Variants in HDLBP observed in about 807,000 individuals in gnomAD.
HDLBP encodes high density lipoprotein binding protein.
HDLBP carries 30 observed loss-of-function variants against 137.3 expected under a neutral mutation model. The observed-to-expected ratio is 0.22, with a 90% confidence interval of 0.16 to 0.30. HDLBP has a LOEUF of 0.30. Among genes scored for constraint, HDLBP ranks in the 10% least tolerant of loss-of-function variants. The pLI is 1.00. For missense variants in HDLBP, 1,119 were observed against 1,667.3 expected, an observed-to-expected ratio of 0.67 and a Z score of 5.73; for synonymous variants, 606 against 596.0, an observed-to-expected ratio of 1.02 and a Z score of -0.24.
At position 241,230,995 on chromosome 2, in the gene HDLBP, G is replaced by A. The variant is rs552660282; in HGVS notation, c.3289-51C>T. 1.4e-5 allele frequency: 22 copies of A among 1,530,704 alleles called. No individual in the cohort carries two copies. The highest frequency in any genetic ancestry group is 7.9e-5 in the South Asian group (7 of 88,146). 94.8% of individuals were successfully genotyped at this position (1,530,704 alleles called of 1,614,324 possible). On this transcript the variant is annotated intron_variant, in intron 24 of 27. Coordinates refer to ENST00000310931, the MANE Select transcript of HDLBP (RefSeq NM_005336.6). This position sits in a 1 kb window ranked among gnomAD's most constrained non-coding sequence, Gnocchi z 5.0. ...AAGGGGATGCCTTACTGGGATTCCCGTCAGGGGCAAGAGCCGGCCCCCACT... is the reference window on the plus strand; with the variant it reads ...AAGGGGATGCCTTACTGGGATTCCCATCAGGGGCAAGAGCCGGCCCCCACT...
intron 1 of HDLBP, among the ~76,000 whole-genome samples, chr2:241,300,880 C>G (rs1267310423): frequency 6.6e-6 from 1 of 152,020 alleles, no homozygotes; most frequent in Non-Finnish European, 1.5e-5. Flanking sequence ...GCAATTAGAT[C>G]AAAATAGAAG....
At chr2:241,266,611 T>G (rs545260569) in intron 3 of HDLBP, 183 bp downstream of exon 3, 5 of 580,442 alleles carry the variant, frequency 8.6e-6, no homozygotes, top group South Asian at 6.3e-5. Context: ...CATTTCCTCA[T>G]GCCTGGCCAG....
At chr2:241,302,678 G>A (rs2075435191) in intron 1 of HDLBP, 1 of 152,344 alleles carries the variant, frequency 6.6e-6, no homozygotes, top group Non-Finnish European at 1.5e-5. Context: ...TTTGGGATAA[G>A]AGCCCTTTTC....
intron 1 of HDLBP, among the ~76,000 whole-genome samples, chr2:241,313,556 A>C (rs1041139396): frequency 2.6e-5 from 4 of 152,138 alleles, no homozygotes; most frequent in African/African-American, 7.2e-5. Context: ...TGGGATTACA[A>C]GCGTGAGCCA....
chr2:241,267,535 T>C lies in HDLBP; in HGVS notation c.-37-629A>G, dbSNP rs145787862. 1,923 of 1,519,450 alleles carry C rather than the reference T, an allele frequency of 1.3e-3. 5 individuals are homozygous for C. The highest frequency in any genetic ancestry group is 1.6e-3 in the Non-Finnish European group (1,828 of 1,132,250). The allele number at this position is 1,519,450 out of a possible 1,614,324, so 94.1% of individuals were successfully genotyped here. ...TAGATCAACACCAGGATCGTTCTCCTAACAGCGACCTTGGTTATTCTGTCA... is the reference window on the plus strand; with the variant it reads ...TAGATCAACACCAGGATCGTTCTCCCAACAGCGACCTTGGTTATTCTGTCA... On this transcript the variant is annotated intron_variant, in intron 2 of 27. Transcript: ENST00000310931.
chr2:241,232,877 G>A (rs1574838007), intron 24 of HDLBP, among the ~76,000 whole-genome samples: 2 of 152,104 alleles, frequency 1.3e-5, no homozygotes, highest in Non-Finnish European at 2.9e-5. Flanking sequence ...TGTGGGGAGG[G>A]AAGAGGACGT....
At chr2:241,303,304 C>T (rs2075454672) in intron 1 of HDLBP, among the ~76,000 whole-genome samples, 1 of 152,190 alleles carries the variant, frequency 6.6e-6, no homozygotes, top group Non-Finnish European at 1.5e-5. Context: ...TCCTCTCTCA[C>T]AGGACAGAGC....
rs117069991 is a variant in HDLBP, at chr2:241,229,414, G to C, written c.*187C>G. 1.8e-6 allele frequency: 1 copy of C among 550,272 alleles called. No homozygotes were observed. The highest frequency in any genetic ancestry group is 3.3e-6 in the Non-Finnish European group (1 of 303,802). The allele number at this position is 550,272 out of a possible 1,614,324, so 34.1% of individuals were successfully genotyped here. Reference sequence around the variant, plus strand: ...TTAAACAGTGGAGCAGGTCCTGAGCGGGCACGGCCAGGCCTGGAGGAGCGG... The same window carrying C: ...TTAAACAGTGGAGCAGGTCCTGAGCCGGCACGGCCAGGCCTGGAGGAGCGG... On this transcript the variant is annotated 3_prime_UTR_variant, in exon 28 of 28. Transcript: ENST00000310931.
In HDLBP at chr2:241,242,496, C is replaced by A. The variant is rs760907330; in HGVS notation, c.2133G>T (p.Lys711Asn). ...CCAGATGCAGGAGCTGCTTCTTGGC[C>A]TTCTCCACATCCGAGGAAGGGCCCC... ...VIRGPSSDVE[K>N]AKKQLLHLAE... The change falls in exon 17 of 28, where the codon AAG (lysine) becomes AAT (asparagine). Residue 711 changes from lysine to asparagine, a missense_variant. Transcript: ENST00000310931. The A allele has an allele frequency of 6.2e-6, 10 of 1,614,074 alleles. No individual in the cohort carries two copies. The East Asian group carries it at 2.2e-4, about 36-fold the overall frequency.
rs541645843 is a variant in HDLBP at position 241,240,372 on chromosome 2, C to T, written c.2170-250G>A. ...GTGGGATGAACACACAGGCTTAGAA[C>T]CCTGGTCCTGCCACTTACAAGCACT... is the stretch of plus-strand genomic sequence containing the variant. On this transcript the variant is annotated intron_variant, in intron 17 of 27. Transcript: ENST00000310931. This position sits in a 1 kb window ranked among gnomAD's most constrained non-coding sequence, Gnocchi z 5.5. 2.0e-5 allele frequency among the ~76,000 whole-genome samples: 3 copies of T among 152,226 alleles called. No individual in the cohort carries two copies. The highest frequency in any genetic ancestry group is 1.3e-4 in the Admixed American group (2 of 15,288).
chr2:241,242,286 T>C (rs1181036478), intron 17 of HDLBP, among the ~76,000 whole-genome samples, 174 bp downstream of exon 17: 1 of 151,268 alleles, frequency 6.6e-6, no homozygotes, highest in Admixed American at 6.6e-5. Flanking sequence ...CGTTTGGACC[T>C]GGAAAGGCCC....
At position 241,272,794 on chromosome 2, in the gene HDLBP, C is replaced by G. The variant is rs2074209271; in HGVS notation, c.-102-4253G>C. 2.1e-5 allele frequency: 6 copies of G among 280,276 alleles called. No individual in the cohort carries two copies. Among genetic ancestry groups the G allele is most frequent in the Non-Finnish European group, 3.2e-5 (6 of 186,638 alleles). The allele number at this position is 280,276 out of a possible 1,614,324, so 17.4% of individuals were successfully genotyped here. ...CCCCGCCCGCTGGTCCTGCCGCTGG[C>G]TTACTCGCCCCCCGCGCGGGAGAAG... On this transcript the variant is annotated intron_variant, in intron 1 of 27. Transcript: ENST00000310931. The surrounding 1 kb of genome is among the most constrained non-coding windows in gnomAD (Gnocchi z 5.6).
rs759419815 is a variant in HDLBP at position 241,267,528 on chromosome 2, G to A, written c.-37-622C>T. 7.2e-5 allele frequency: 108 copies of A among 1,500,986 alleles called. 1 individual carries two copies. The highest frequency in any genetic ancestry group is 1.7e-4 in the Middle Eastern group (1 of 5,982). 93.0% of individuals were successfully genotyped at this position (1,500,986 alleles called of 1,614,324 possible). ...CCAGGCATAGATCAACACCAGGATC[G>A]TTCTCCTAACAGCGACCTTGGTTAT... On this transcript the variant is annotated intron_variant, in intron 2 of 27. Coordinates refer to ENST00000310931, the MANE Select transcript of HDLBP (RefSeq NM_005336.6).
chr2:241,231,039 G>A (rs2069680634), intron 24 of HDLBP, 95 bp from the exon 25 acceptor site: 8 of 1,085,408 alleles, frequency 7.4e-6, no homozygotes, highest in Middle Eastern at 2.5e-4. Context: ...AAACAGCTCA[G>A]GAGAGAAGAT....
intron 1 of HDLBP, among the ~76,000 whole-genome samples, chr2:241,278,222 A>G (rs2074467317): frequency 6.6e-6 from 1 of 152,246 alleles, no homozygotes; most frequent in Non-Finnish European, 1.5e-5. Context: ...GTACAATATT[A>G]GAAAAACAGA....
intron 1 of HDLBP, among the ~76,000 whole-genome samples, chr2:241,276,861 T>A (rs576634994): frequency 1.3e-5 from 2 of 152,208 alleles, no homozygotes; most frequent in South Asian, 4.1e-4. Flanking sequence ...CCAACTCTCT[T>A]GGTAACACAG....
Position 241,230,685 on chromosome 2 carries a change from T to TG in HDLBP, c.3474+73dup, listed in dbSNP as rs956794658. The TG allele has an allele frequency of 2.3e-6, 3 of 1,310,818 alleles. No individual in the cohort carries two copies. The African/African-American group carries it at 4.3e-5, about 19-fold the overall frequency. 81.2% of individuals were successfully genotyped at this position (1,310,818 alleles called of 1,614,324 possible). ...TCATCTTGAGGGGAAGGCCATGCCCTGCTCTTTCTTCTGGCCAGCCAGGTG... is the reference window on the plus strand; with the variant it reads ...TCATCTTGAGGGGAAGGCCATGCCCTGGCTCTTTCTTCTGGCCAGCCAGGTG... On this transcript the variant is annotated intron_variant, in intron 25 of 27. Coordinates refer to ENST00000310931, the MANE Select transcript of HDLBP (RefSeq NM_005336.6). This position sits in a 1 kb window ranked among gnomAD's most constrained non-coding sequence, Gnocchi z 5.0.
At chr2:241,261,151 C>T (rs1268289970) in intron 5 of HDLBP, among the ~76,000 whole-genome samples, 1 of 146,098 alleles carries the variant, frequency 6.8e-6, no homozygotes, top group African/African-American at 2.5e-5. Context: ...GCTGTGTCTG[C>T]ACCACTGCAC....
At chr2:241,256,157 G>A (rs2072596823) in intron 7 of HDLBP, 27 bp downstream of exon 7, 2 of 1,580,022 alleles carry the variant, frequency 1.3e-6, no homozygotes, top group Non-Finnish European at 8.7e-7. Context: ...CCTGCCCATG[G>A]GGATTTGCCT....
Sources: allele counts gnomAD v4.1 joint callset (sites outside exome capture counted in the v4.1 genomes callset), GRCh38; gene constraint gnomAD v4.1.1; non-coding constraint Gnocchi (gnomAD v3.1); transcripts MANE v1.5; gene names NCBI Gene and HGNC (gene_info 2026-07-23, HGNC 2026-07-21).